ATP7B: variants seen among roughly 807,000 people sequenced by gnomAD.
ATP7B encodes the protein copper-transporting ATPase 2.
Under a neutral mutation model 118.9 loss-of-function variants are expected in ATP7B, and 113 were observed. The ratio of observed to expected loss-of-function variants is 0.95; its 90% CI spans 0.82 to 1.11. The LOEUF (loss-of-function observed/expected upper bound fraction) is 1.11. Among genes scored for constraint, ATP7B ranks in the 50% most tolerant of loss-of-function variants. The pLI, the probability that ATP7B is intolerant of heterozygous loss-of-function variation, is 0.00. For missense variants in ATP7B, 1,867 were observed against 1,871.4 expected, an observed-to-expected ratio of 1.00 and a Z score of 0.04; for synonymous variants, 777 against 727.4, an observed-to-expected ratio of 1.07 and a Z score of -1.10.
chr13:51,963,101 AAAG>A (rs1240791901), intron 5 of ATP7B, among the ~76,000 whole-genome samples: 1 of 152,036 alleles, frequency 6.6e-6, no homozygotes, highest in East Asian at 1.9e-4. Flanking sequence ...TCAAAAAAAA[AAAG>A]AAAGAAAGAA....
At chr13:51,949,513 G>T in intron 12 of ATP7B, 149 bp downstream of exon 12, 1 of 1,114,492 alleles carries the variant, frequency 9.0e-7, no homozygotes. Flanking sequence ...TCCTACTCTG[G>T]CTTAGATTTT....
At chr13:51,980,882 A>G (rs1172822725) in intron 1 of ATP7B, among the ~76,000 whole-genome samples, 1 of 152,216 alleles carries the variant, frequency 6.6e-6, no homozygotes, top group East Asian at 1.9e-4. Flanking sequence ...AACTTTTCCA[A>G]TATATCACCT....
At chr13:51,935,848 C>T (rs1482677497) in intron 19 of ATP7B, among the ~76,000 whole-genome samples, 153 bp from the exon 20 acceptor site, 1 of 151,934 alleles carries the variant, frequency 6.6e-6, no homozygotes, top group Non-Finnish European at 1.5e-5. Flanking sequence ...TGCCCACAGG[C>T]CCCCCCCAAA....
chr13:51,994,189 G>C (rs1593850322), intron 1 of ATP7B, among the ~76,000 whole-genome samples: 1 of 152,094 alleles, frequency 6.6e-6, no homozygotes, highest in Non-Finnish European at 1.5e-5. Context: ...AAGATTAAAC[G>C]CTCTGTCACT....
Position 51,974,067 on chromosome 13 carries a change from C to T in ATP7B, c.1153G>A (p.Glu385Lys), listed in dbSNP as rs772069735. The T allele has an allele frequency of 3.1e-5, 50 of 1,614,092 alleles. No individual in the cohort carries two copies. In the South Asian group the frequency reaches 5.5e-4, roughly 18 times the overall value. ...HSIEGMISQLEGVQQISVSLA... is the reference protein window; with the variant it reads ...HSIEGMISQLKGVQQISVSLA... ...GACACCGATATTTGCTGCACCCCTT[C>T]CAGTTGGGAGATCATGCCTTCAATG... The change falls in exon 2 of 21, where the codon GAA becomes AAA. Residue 385 changes from glutamate to lysine, a missense_variant. Coordinates refer to ENST00000242839, the MANE Select transcript of ATP7B (RefSeq NM_000053.4).
At chr13:51,979,031 G>A (rs1229999413) in intron 1 of ATP7B, 2 of 152,350 alleles carry the variant, frequency 1.3e-5, no homozygotes, top group Admixed American at 6.5e-5. Flanking sequence ...TTCTCTTTAT[G>A]ACTAGGTGGG....
rs1958511680 is a variant in ATP7B at position 51,958,563 on chromosome 13, G to T, written c.2122-19C>A. 5 of 1,608,238 alleles carry T rather than the reference G, an allele frequency of 3.1e-6. No homozygotes were observed. In the East Asian group the frequency reaches 8.9e-5, roughly 29 times the overall value. The stretch of plus-strand genomic sequence containing the variant: ...CGAGGAGCTGAAAGACAAGGACAGT[G>T]AAGGCTGCCAGCAAGTAGGGAGGAG... On this transcript the variant is annotated intron_variant, in intron 7 of 20. Transcript: ENST00000242839.
At chr13:51,972,730 T>C (rs1276777795) in intron 2 of ATP7B, among the ~76,000 whole-genome samples, 2 of 152,248 alleles carry the variant, frequency 1.3e-5, no homozygotes, top group East Asian at 3.8e-4. Flanking sequence ...CTGAGCATAG[T>C]GGCTCACGCC....
rs72552285 is a variant in ATP7B at position 51,961,859 on chromosome 13, C to T, written c.1924G>A (p.Asp642Asn). 1 of 1,613,994 alleles carries T rather than the reference C, an allele frequency of 6.2e-7. No individual in the cohort carries two copies. Among genetic ancestry groups the T allele is most frequent in the South Asian group, 1.1e-5 (1 of 91,070 alleles). Residue 642 changes from aspartate (D) to asparagine (N), a missense_variant, in exon 6 of 21, where the codon GAC becomes AAC. Asp to Asn is a conservative substitution (Grantham distance 23). Transcript: ENST00000242839. ...TACTGCTTTATTTCCATCTTGTGGTCCAAGTGATGAGCGTTGGGGTTTCTC... is the reference window on the plus strand; with the variant it reads ...TACTGCTTTATTTCCATCTTGTGGTTCAAGTGATGAGCGTTGGGGTTTCTC... ...AQRNPNAHHL[D>N]HKMEIKQWKK...
chr13:52,001,498 A>G (rs1407347552), intron 1 of ATP7B, among the ~76,000 whole-genome samples: 1 of 152,074 alleles, frequency 6.6e-6, no homozygotes, highest in Non-Finnish European at 1.5e-5. Flanking sequence ...CAAAGCATAC[A>G]CCTGCCTCCG....
At chr13:51,963,569 C>T (rs755795312) in intron 5 of ATP7B, among the ~76,000 whole-genome samples, 35 of 151,762 alleles carry the variant, frequency 2.3e-4, no homozygotes, top group Admixed American at 7.2e-4. Context: ...AACCCTGTCT[C>T]TACCAAAAAT....
At chr13:51,940,000 C>CTT (rs10555680) in intron 16 of ATP7B, among the ~76,000 whole-genome samples, 9 of 52,290 alleles carry the variant, frequency 1.7e-4, no homozygotes, top group Non-Finnish European at 2.6e-4. Context: ...CACATGCAGT[C>CTT]TTTTTTTTTT....
At chr13:52,008,135 A>G (rs1367003327) in intron 1 of ATP7B, among the ~76,000 whole-genome samples, 1 of 152,056 alleles carries the variant, frequency 6.6e-6, no homozygotes, top group East Asian at 1.9e-4. Flanking sequence ...AGATCAAGAG[A>G]TAGAGATGAC....
chr13:51,949,441 T>A (rs1402346397), intron 12 of ATP7B, among the ~76,000 whole-genome samples: 1 of 152,206 alleles, frequency 6.6e-6, no homozygotes, highest in Non-Finnish European at 1.5e-5. Flanking sequence ...CTGTGAAAAT[T>A]ATCTAAGTAG....
rs897069166 is a variant in ATP7B at position 51,961,155 on chromosome 13, TCCCCTG to T, written c.1946+676_1946+681del. 3.9e-4 allele frequency among the ~76,000 whole-genome samples: 59 copies of T among 151,946 alleles called. 1 individual carries two copies. Among genetic ancestry groups the T allele is most frequent in the Non-Finnish European group, 7.7e-4 (52 of 67,970 alleles). ...CATTCTTTGAGGCTCAGATCTTATG[TCCCCTG>T]CTTGGAGTTTTCCTAGACCTTCCAG... On this transcript the variant is annotated intron_variant, in intron 6 of 20. Coordinates refer to ENST00000242839, the MANE Select transcript of ATP7B (RefSeq NM_000053.4).
In ATP7B at chr13:51,970,511, C is replaced by T. The variant is rs769128344; in HGVS notation, c.1524G>A (p.Arg508=). 28 of 1,614,052 alleles carry T rather than the reference C, an allele frequency of 1.7e-5. No homozygotes were observed. The South Asian group carries it at 2.7e-4, about 16-fold the overall frequency. ...TCTTACCAGCTTCTTTCTGCAGATT[C>T]CTTTCTATGTTAGACACACAGGATG... is the stretch of plus-strand genomic sequence containing the variant. The part of the protein sequence containing the change: ...TCASCVSNIE[R]NLQKEAGVLS... Residue 508 remains arginine (R), a synonymous_variant, in exon 3 of 21, where the codon AGG becomes AGA. Coordinates refer to ENST00000242839, the MANE Select transcript of ATP7B (RefSeq NM_000053.4).
intron 19 of ATP7B, among the ~76,000 whole-genome samples, chr13:51,936,739 T>C (rs920814911): frequency 6.6e-6 from 1 of 152,068 alleles, no homozygotes; most frequent in Non-Finnish European, 1.5e-5. Flanking sequence ...GTTGCCCAGG[T>C]GAGTCTTGAA....
rs7993289 is a variant in ATP7B, at chr13:51,991,088, T to C, written c.52-15920A>G. 7.7e-3 allele frequency among the ~76,000 whole-genome samples: 1,163 copies of C among 151,166 alleles called. 11 individuals carry two copies. The highest frequency in any genetic ancestry group is 0.027 in the African/African-American group (1,110 of 41,168). On this transcript the variant is annotated intron_variant, in intron 1 of 20. Transcript: ENST00000242839. ...GGCGACGGAGCGAGACTCTGTCTCA[T>C]ATTTAAAGAAAAAAAAAAAAGAACC...
chr13:51,940,722 T>C, intron 16 of ATP7B, among the ~76,000 whole-genome samples: 1 of 152,234 alleles, frequency 6.6e-6, no homozygotes, highest in Non-Finnish European at 1.5e-5. Flanking sequence ...ATTATTTAAA[T>C]GCATCCTGTA....
Sources: gnomAD v4.1 joint callset for allele counts (sites outside exome capture counted in the v4.1 genomes callset) on GRCh38, gnomAD v4.1.1 for gene constraint, MANE v1.5 for transcripts, NCBI Gene and HGNC (gene_info 2026-07-23, HGNC 2026-07-21) for gene names.